The following THOP1 variants were observed in gnomAD, a reference collection of about 807,000 sequenced individuals.
The protein encoded by THOP1 is thimet oligopeptidase.
In THOP1, 49 loss-of-function variants were observed where a neutral mutation model predicts 71.8. That is an observed-to-expected ratio of 0.68 (90% CI 0.54 to 0.87). The LOEUF is 0.87. Among genes scored for constraint, THOP1 ranks in the 40% least tolerant of loss-of-function variants. The pLI, the probability that THOP1 is intolerant of heterozygous loss-of-function variation, is 0.00. For missense variants in THOP1, 843 were observed against 975.6 expected, an observed-to-expected ratio of 0.86 and a Z score of 1.81; for synonymous variants, 426 against 421.5, an observed-to-expected ratio of 1.01 and a Z score of -0.13.
chr19:2,811,670 G>A lies in THOP1; in HGVS notation c.1844G>A (p.Ser615Asn). 6.2e-7 allele frequency: 1 copy of A among 1,613,498 alleles called. No homozygotes were observed. Among genetic ancestry groups the A allele is most frequent in the Non-Finnish European group, 8.5e-7 (1 of 1,179,968 alleles). The change falls in exon 12 of 13, where the codon AGC becomes AAC. Residue 615 changes from serine (S) to asparagine (N), a missense_variant. Transcript: ENST00000307741. ...GCCCAGTACTACGGGTACCTGTGGAGCGAGGTGTATTCCATGGACATGTTC... is the reference window on the plus strand; with the variant it reads ...GCCCAGTACTACGGGTACCTGTGGAACGAGGTGTATTCCATGGACATGTTC... Reference protein sequence around the residue: ...YDAQYYGYLWSEVYSMDMFHT... With the variant: ...YDAQYYGYLWNEVYSMDMFHT...
intron 1 of THOP1, among the ~76,000 whole-genome samples, chr19:2,787,385 C>G (rs1398015714): frequency 6.6e-6 from 1 of 152,206 alleles, no homozygotes; most frequent in Non-Finnish European, 1.5e-5. Context: ...TTGTTTGCTA[C>G]TGGATCCTTG....
chr19:2,787,269 C>A (rs1915768547), intron 1 of THOP1, among the ~76,000 whole-genome samples: 1 of 152,162 alleles, frequency 6.6e-6, no homozygotes, highest in African/African-American at 2.4e-5. Flanking sequence ...TCTTGCCCAG[C>A]CACACTCCCC....
At position 2,807,486 on chromosome 19, in the gene THOP1, G is replaced by A; in HGVS notation, c.931G>A (p.Ala311Thr). The A allele has an allele frequency of 6.2e-7, 1 of 1,609,486 alleles. No individual in the cohort carries two copies. Among genetic ancestry groups the A allele is most frequent in the African/African-American group, 1.3e-5 (1 of 75,008 alleles). Residue 311 changes from alanine (A) to threonine (T), a missense_variant, in exon 8 of 13, where the codon GCG (alanine) becomes ACG (threonine). Ala to Thr is a moderately conservative substitution (Grantham distance 58). Transcript: ENST00000307741. ...KLKPLGEQER[A>T]VILELKRAEC... is the part of the protein sequence containing the mutation. Reference sequence around the variant, plus strand: ...GAAGCCCCTGGGGGAGCAGGAGCGTGCGGTGATTCTGGAGCTGAAGCGTGC... The same window carrying A: ...GAAGCCCCTGGGGGAGCAGGAGCGTACGGTGATTCTGGAGCTGAAGCGTGC...
At position 2,785,648 on chromosome 19, in the gene THOP1, G is replaced by T. The variant is rs747872833; in HGVS notation, c.-15G>T. The T allele has an allele frequency of 1.3e-6, 2 of 1,493,556 alleles. No homozygotes were observed. Among genetic ancestry groups the T allele is most frequent in the South Asian group, 1.3e-5 (1 of 76,492 alleles). 92.5% of individuals were successfully genotyped at this position (1,493,556 alleles called of 1,614,324 possible). On this transcript the variant is annotated 5_prime_UTR_variant, in exon 1 of 13. Transcript: ENST00000307741. ...TGGAAGGAGGGAGGGAGCCGCAGGC[G>T]CAGACCCACCCGCCATGAAGCCCCC...
chr19:2,807,453 C>G lies in THOP1; in HGVS notation c.898C>G (p.Gln300Glu). 2 of 1,592,138 alleles carry G rather than the reference C, an allele frequency of 1.3e-6. No individual in the cohort carries two copies. Among genetic ancestry groups the G allele is most frequent in the Non-Finnish European group, 1.7e-6 (2 of 1,166,338 alleles). ...TGCCCTCCCCGCAGATGAGCTGGCG[C>G]AGAAGCTGAAGCCCCTGGGGGAGCA... ...TVATFLDELA[Q>E]KLKPLGEQER... is the part of the protein sequence containing the mutation. The change falls in exon 8 of 13, where the codon CAG becomes GAG. Residue 300 changes from glutamine to glutamate, a missense_variant. Transcript: ENST00000307741.
rs369652333 is a variant in THOP1, at chr19:2,794,862, G to T, written c.328G>T (p.Val110Leu). 3 of 1,613,930 alleles carry T rather than the reference G, an allele frequency of 1.9e-6. No homozygotes were observed. The African/African-American group carries it at 4.0e-5, about 22-fold the overall frequency. ...EADKKLSEFD[V>L]EMSMREDVYQ... is the part of the protein sequence containing the mutation. ...CGACAAGAAGCTCTCTGAGTTCGAC[G>T]TGGAGATGAGCATGAGGGAGGACGT... The change falls in exon 3 of 13, where the codon GTG becomes TTG. Residue 110 changes from valine (V) to leucine (L), a missense_variant. Coordinates refer to ENST00000307741, the MANE Select transcript of THOP1 (RefSeq NM_003249.5).
intron 7 of THOP1, 142 bp downstream of exon 7, chr19:2,807,194 C>T (rs1421516175): frequency 3.1e-6 from 4 of 1,289,800 alleles, no homozygotes; most frequent in Non-Finnish European, 4.1e-6. Context: ...GGCTCCCTCA[C>T]TCCCCCCGAG....
intron 9 of THOP1, 30 bp from the exon 10 acceptor site, chr19:2,810,274 G>GCACT: frequency 6.2e-7 from 1 of 1,603,238 alleles, no homozygotes; most frequent in Non-Finnish European, 8.5e-7. Flanking sequence ...CAGGACCTGG[G>GCACT]CACTCTGAGG....
At chr19:2,796,711 G>T (rs762850431) in intron 4 of THOP1, among the ~76,000 whole-genome samples, 7 of 152,008 alleles carry the variant, frequency 4.6e-5, no homozygotes, top group Non-Finnish European at 1.0e-4. Context: ...TGGAGCTTCT[G>T]TGGCCCCCTG....
chr19:2,810,315 C>A lies in THOP1; in HGVS notation c.1467C>A (p.Ala489=), dbSNP rs1177481288. 6.2e-7 allele frequency: 1 copy of A among 1,611,274 alleles called. No individual in the cohort carries two copies. Among genetic ancestry groups the A allele is most frequent in the Non-Finnish European group, 8.5e-7 (1 of 1,179,616 alleles). Residue 489 remains alanine (A), a synonymous_variant, in exon 10 of 13, where the codon GCC becomes GCA. Coordinates refer to ENST00000307741, the MANE Select transcript of THOP1 (RefSeq NM_003249.5). ...MHQLCSQAEF[A]MFSGTHVERD... ...CCCCATCCCTGCAGGCGGAGTTCGC[C>A]ATGTTCAGCGGGACCCACGTGGAGC...
intron 5 of THOP1, among the ~76,000 whole-genome samples, chr19:2,803,319 T>G (rs887683942): frequency 5.9e-5 from 9 of 152,212 alleles, no homozygotes; most frequent in African/African-American, 2.2e-4. Flanking sequence ...AATCCACAAG[T>G]GCAGCGGGGC....
chr19:2,786,336 C>T (rs1209225767), intron 1 of THOP1, among the ~76,000 whole-genome samples: 1 of 152,172 alleles, frequency 6.6e-6, no homozygotes, highest in Non-Finnish European at 1.5e-5. Flanking sequence ...GCCTCGAACT[C>T]TTGGACTCAG....
chr19:2,799,578 G>C, intron 4 of THOP1, 111 bp from the exon 5 acceptor site: 7 of 851,794 alleles, frequency 8.2e-6, no homozygotes, highest in East Asian at 2.5e-5. Flanking sequence ...CTTTCGGCCT[G>C]GTTCTTGGGG....
chr19:2,799,867 C>CTG, intron 5 of THOP1, 76 bp downstream of exon 5: 1 of 1,334,662 alleles, frequency 7.5e-7, no homozygotes, highest in Non-Finnish European at 1.1e-6. Context: ...CCTCGGGGGC[C>CTG]GCCGCTTCCT....
At chr19:2,793,283 G>A (rs755962569) in intron 2 of THOP1, among the ~76,000 whole-genome samples, 3 of 152,096 alleles carry the variant, frequency 2.0e-5, no homozygotes, top group Non-Finnish European at 4.4e-5. Context: ...CATAACCCCA[G>A]AGAGAAATTT....
chr19:2,793,819 G>A (rs868809629), intron 2 of THOP1, among the ~76,000 whole-genome samples: 7 of 152,260 alleles, frequency 4.6e-5, no homozygotes, highest in African/African-American at 9.6e-5. Flanking sequence ...TGGCTGAGTC[G>A]TGTTCCACTG....
chr19:2,808,369 C>T lies in THOP1; in HGVS notation c.1380C>T (p.Pro460=), dbSNP rs1916368641. 4.3e-6 allele frequency: 7 copies of T among 1,610,838 alleles called. No individual in the cohort carries two copies. Among genetic ancestry groups the T allele is most frequent in the Non-Finnish European group, 4.2e-6 (5 of 1,178,890 alleles). The part of the protein sequence containing the change: ...ANFTKPTADA[P]SLLQHDEVET... ...TCACCAAGCCCACAGCCGACGCGCCCTCGCTGCTGCAGCATGACGAGGTGG... is the reference window on the plus strand; with the variant it reads ...TCACCAAGCCCACAGCCGACGCGCCTTCGCTGCTGCAGCATGACGAGGTGG... The change falls in exon 9 of 13, where the codon CCC becomes CCT. Residue 460 remains proline (P), a synonymous_variant. Transcript: ENST00000307741.
At chr19:2,791,666 A>G (rs546261382) in intron 2 of THOP1, among the ~76,000 whole-genome samples, 1 of 152,232 alleles carries the variant, frequency 6.6e-6, no homozygotes, top group African/African-American at 2.4e-5. Flanking sequence ...TAGGAGTCTC[A>G]TGAGGCTCAG....
intron 12 of THOP1, chr19:2,812,328 GGCCCT>G (rs1916498620): frequency 1.3e-6 from 2 of 1,534,780 alleles, no homozygotes; most frequent in African/African-American, 2.7e-5. Context: ...TTTGAGGGCC[GGCCCT>G]GCCCTGCCTG....
Sources: allele counts gnomAD v4.1 joint callset (sites outside exome capture counted in the v4.1 genomes callset), GRCh38; gene constraint gnomAD v4.1.1; transcripts MANE v1.5; gene names NCBI Gene and HGNC (gene_info 2026-07-23, HGNC 2026-07-21).